Variants in ZDBF2 observed in about 807,000 individuals in gnomAD.
ZDBF2 encodes the protein zinc finger DBF-type containing 2, also known as DBF4-type zinc finger-containing protein 2.
ZDBF2 carries 6 observed loss-of-function variants against 9.4 expected under a neutral mutation model. That is an observed-to-expected ratio of 0.64 (90% confidence interval 0.35 to 1.27). The LOEUF is 1.27. Ranked by LOEUF, ZDBF2 falls within the 50% of genes most tolerant of loss-of-function variation. ZDBF2 has a pLI of 0.03. For missense variants in ZDBF2, 2,697 were observed against 2,766.8 expected (o/e 0.97, Z 0.57); for synonymous variants, 905 against 946.3 (o/e 0.96, Z 0.80).
chr2:206,302,498 T>G (rs942533825), intron 4 of ZDBF2, among the ~76,000 whole-genome samples: 1 of 152,206 alleles, frequency 6.6e-6, no homozygotes, highest in Non-Finnish European at 1.5e-5. Context: ...TTACCAGCTG[T>G]ATGATTTTAT....
chr2:206,298,879 T>C (rs1354100720), intron 4 of ZDBF2, among the ~76,000 whole-genome samples: 1 of 150,160 alleles, frequency 6.7e-6, no homozygotes, highest in Admixed American at 6.6e-5. Context: ...TTACATGAAT[T>C]TTTTTTTTCT....
intron 3 of ZDBF2, among the ~76,000 whole-genome samples, chr2:206,285,311 A>G (rs1691544096): frequency 6.6e-6 from 1 of 151,970 alleles, no homozygotes; most frequent in South Asian, 2.1e-4. Context: ...CCAGTGTGTT[A>G]TTTTTTGTCT....
chr2:206,311,613 G>C lies in ZDBF2; in HGVS notation c.*20G>C. 1 of 1,461,470 alleles carries C rather than the reference G, an allele frequency of 6.8e-7. No individual in the cohort carries two copies. Among genetic ancestry groups the C allele is most frequent in the Non-Finnish European group, 9.0e-7 (1 of 1,105,336 alleles). 90.5% of individuals were successfully genotyped at this position (1,461,470 alleles called of 1,614,324 possible). Reference sequence around the variant, plus strand: ...AAATAGAAGTTGGTTTTGTGTTCAGGCTAGTTGAGGATTCAGTACTTCAGT... The same window carrying C: ...AAATAGAAGTTGGTTTTGTGTTCAGCCTAGTTGAGGATTCAGTACTTCAGT... On this transcript the variant is annotated 3_prime_UTR_variant, in exon 5 of 5. Coordinates refer to ENST00000374423, the MANE Select transcript of ZDBF2 (RefSeq NM_020923.3).
chr2:206,307,161 C>T lies in ZDBF2; in HGVS notation c.2633C>T (p.Ala878Val). 2 of 1,613,328 alleles carry T rather than the reference C, an allele frequency of 1.2e-6. No individual in the cohort carries two copies. Among genetic ancestry groups the T allele is most frequent in the East Asian group, 2.2e-5 (1 of 44,868 alleles). ...SGSEISSDSH[A>V]PLHSVTNSPE... is the part of the protein sequence containing the mutation. ...TCTGAAATAAGTTCGGATTCCCATG[C>T]CCCTCTTCATTCAGTGACTAATTCT... The change falls in exon 5 of 5, where the codon GCC (alanine) becomes GTC (valine). Residue 878 changes from alanine (A) to valine (V), a missense_variant. Around this residue, in one of 3 missense-constraint regions of ZDBF2, gnomAD observed 1,783 missense variants for 1,776.5 expected, o/e 1.00. Transcript: ENST00000374423.
In ZDBF2 at chr2:206,309,391, T is replaced by C; in HGVS notation, c.4863T>C (p.Cys1621=). Residue 1621 remains cysteine (C), a synonymous_variant, in exon 5 of 5, where the codon TGT becomes TGC. Coordinates refer to ENST00000374423, the MANE Select transcript of ZDBF2 (RefSeq NM_020923.3). ...IILGEPSCQS[C]GSEMNFNVDA... ...TGGGAGAGCCAAGTTGTCAATCTTG[T>C]GGTTCTGAAATGAATTTTAATGTTG... 1 of 1,613,752 alleles carries C rather than the reference T, an allele frequency of 6.2e-7. No homozygotes were observed. The highest frequency in any genetic ancestry group is 8.5e-7 in the Non-Finnish European group (1 of 1,179,812).
rs1208199779 is a variant in ZDBF2 at position 206,309,226 on chromosome 2, A to C, written c.4698A>C (p.Glu1566Asp). The change falls in exon 5 of 5, where the codon GAA becomes GAC. Residue 1566 changes from glutamate to aspartate, a missense_variant. By Grantham distance (45) the Glu-to-Asp change is conservative. This residue lies in a region of ZDBF2 where 1,783 missense variants were observed against 1,776.5 expected (regional missense o/e 1.00). Coordinates refer to ENST00000374423, the MANE Select transcript of ZDBF2 (RefSeq NM_020923.3). ...TVKDISCINT[E>D]CIDIEDKSCD... ...AAGATATCAGCTGTATAAATACAGAATGTATTGATATAGAAGATAAGAGCT... is the reference window on the plus strand; with the variant it reads ...AAGATATCAGCTGTATAAATACAGACTGTATTGATATAGAAGATAAGAGCT... The C allele has an allele frequency of 1.2e-6, 2 of 1,606,678 alleles. No individual in the cohort carries two copies. Among genetic ancestry groups the C allele is most frequent in the South Asian group, 1.1e-5 (1 of 89,932 alleles).
In ZDBF2 at chr2:206,305,447, G is replaced by A; in HGVS notation, c.919G>A (p.Ala307Thr). The A allele has an allele frequency of 2.5e-6, 4 of 1,613,094 alleles. No individual in the cohort carries two copies. The highest frequency in any genetic ancestry group is 3.4e-6 in the Non-Finnish European group (4 of 1,179,680). The change falls in exon 5 of 5, where the codon GCA becomes ACA. Residue 307 changes from alanine (A) to threonine (T), a missense_variant. Transcript: ENST00000374423. ...AAGAGTTAAATCTCCTTCCAAATTA[G>A]CAGTAAACCCGAATAAAACTGACAT... is the stretch of plus-strand genomic sequence containing the variant. ...SLRVKSPSKL[A>T]VNPNKTDMPS...
intron 4 of ZDBF2, among the ~76,000 whole-genome samples, chr2:206,304,170 T>C (rs1023050824): frequency 6.6e-6 from 1 of 152,224 alleles, no homozygotes; most frequent in Non-Finnish European, 1.5e-5. Flanking sequence ...AACTGTTAAC[T>C]GATCTATATT....
At chr2:206,275,198 T>C (rs1383340901) in intron 1 of ZDBF2, among the ~76,000 whole-genome samples, 1 of 152,052 alleles carries the variant, frequency 6.6e-6, no homozygotes, top group African/African-American at 2.4e-5. Context: ...GCAGGCTGCA[T>C]TGCGCTTCTG....
intron 4 of ZDBF2, among the ~76,000 whole-genome samples, chr2:206,301,368 T>C (rs534709093): frequency 6.6e-6 from 1 of 152,286 alleles, no homozygotes; most frequent in Non-Finnish European, 1.5e-5. Flanking sequence ...AATTTTTCTT[T>C]ATGGCTTCTT....
Position 206,306,287 on chromosome 2 carries a change from G to A in ZDBF2, c.1759G>A (p.Val587Ile), listed in dbSNP as rs1257485221. ...SCSETSFDCDVSLESVVDHPQ... is the reference protein window; with the variant it reads ...SCSETSFDCDISLESVVDHPQ... ...TTCTGAAACAAGTTTTGATTGTGAT[G>A]TTTCTCTTGAGTCAGTAGTTGATCA... Residue 587 changes from valine to isoleucine, a missense_variant, in exon 5 of 5, where the codon GTT becomes ATT. By Grantham distance (29) the Val-to-Ile change is conservative. Coordinates refer to ENST00000374423, the MANE Select transcript of ZDBF2 (RefSeq NM_020923.3). 3 of 1,613,636 alleles carry A rather than the reference G, an allele frequency of 1.9e-6. No homozygotes were observed. The highest frequency in any genetic ancestry group is 4.5e-5 in the East Asian group (2 of 44,876).
intron 4 of ZDBF2, among the ~76,000 whole-genome samples, chr2:206,297,654 G>A (rs1465537663): frequency 6.6e-6 from 1 of 151,958 alleles, no homozygotes; most frequent in African/African-American, 2.4e-5. Context: ...ATTAAGCAGG[G>A]GGAAAAGGAG....
intron 2 of ZDBF2, 140 bp from the exon 3 acceptor site, chr2:206,281,657 CTTAT>C: frequency 3.8e-6 from 2 of 528,106 alleles, no homozygotes; most frequent in Non-Finnish European, 3.3e-6. Context: ...TCCAGGTTCA[CTTAT>C]TTATTCAGTG....
intron 4 of ZDBF2, among the ~76,000 whole-genome samples, chr2:206,303,998 C>G (rs1006495706): frequency 6.6e-6 from 1 of 152,176 alleles, no homozygotes. Flanking sequence ...ACCCCTCCCT[C>G]CGCTCAAAAG....
In ZDBF2 at chr2:206,314,400, T is replaced by C. The variant is rs1167679046; in HGVS notation, c.*2807T>C. ...AAAGCTAAACTTGTTTTTGATGTTA[T>C]CAAGATAAAATTTATTAAACCTTGA... On this transcript the variant is annotated 3_prime_UTR_variant, in exon 5 of 5. Transcript: ENST00000374423. 1 of 152,170 alleles carries C rather than the reference T, an allele frequency of 6.6e-6. No homozygotes were observed. Among genetic ancestry groups the C allele is most frequent in the Non-Finnish European group, 1.5e-5 (1 of 68,020 alleles). 9.4% of individuals were successfully genotyped at this position (152,170 alleles called of 1,614,324 possible). A position where few individuals can be genotyped will look rare whatever the true frequency, so the allele number is the denominator to read the frequency against.
In ZDBF2 at chr2:206,305,668, G is replaced by C; in HGVS notation, c.1140G>C (p.Glu380Asp). The C allele has an allele frequency of 6.2e-7, 1 of 1,613,636 alleles. No individual in the cohort carries two copies. The highest frequency in any genetic ancestry group is 1.3e-5 in the African/African-American group (1 of 75,020). ...SLQSASDQPQ[E>D]TAQDLSLWKE... ...AGTCAGCATCTGATCAGCCCCAAGA[G>C]ACTGCACAAGACTTAAGTCTTTGGA... is the stretch of plus-strand genomic sequence containing the variant. The change falls in exon 5 of 5, where the codon GAG becomes GAC. Residue 380 changes from glutamate (E) to aspartate (D), a missense_variant. This residue lies in a region of ZDBF2 where 910 missense variants were observed against 973.6 expected (regional missense o/e 0.93). Coordinates refer to ENST00000374423, the MANE Select transcript of ZDBF2 (RefSeq NM_020923.3).
At position 206,313,155 on chromosome 2, in the gene ZDBF2, T is replaced by C. The variant is rs1207028745; in HGVS notation, c.*1562T>C. On this transcript the variant is annotated 3_prime_UTR_variant, in exon 5 of 5. Coordinates refer to ENST00000374423, the MANE Select transcript of ZDBF2 (RefSeq NM_020923.3). ...AGGTCAATGTTGAACCATATCTTGATTTCAGAATTTAAAATGTGTTACCTT... is the reference window on the plus strand; with the variant it reads ...AGGTCAATGTTGAACCATATCTTGACTTCAGAATTTAAAATGTGTTACCTT... 6.6e-6 allele frequency: 1 copy of C among 152,238 alleles called. No homozygotes were observed. The highest frequency in any genetic ancestry group is 1.9e-4 in the East Asian group (1 of 5,208). The allele number at this position is 152,238 out of a possible 1,614,324, so 9.4% of individuals were successfully genotyped here. A position where few individuals can be genotyped will look rare whatever the true frequency, so the allele number is the denominator to read the frequency against.
intron 4 of ZDBF2, among the ~76,000 whole-genome samples, chr2:206,303,865 A>G (rs954703138): frequency 6.6e-6 from 1 of 151,950 alleles, no homozygotes; most frequent in African/African-American, 2.4e-5. Flanking sequence ...ATTGGTTTTT[A>G]TTTGTATATA....
At chr2:206,288,693 C>G (rs1041887091) in intron 3 of ZDBF2, among the ~76,000 whole-genome samples, 12 of 152,088 alleles carry the variant, frequency 7.9e-5, no homozygotes, top group African/African-American at 2.7e-4. Context: ...GGACCTGTAA[C>G]TTTTAGGCAC....
Sources: allele counts gnomAD v4.1 joint callset (sites outside exome capture counted in the v4.1 genomes callset), GRCh38; gene constraint gnomAD v4.1.1; regional missense constraint gnomAD v4.1.1; transcripts MANE v1.5; gene names NCBI Gene and HGNC (gene_info 2026-07-23, HGNC 2026-07-21).